Variants in RPF2 observed in about 807,000 individuals in gnomAD.
The protein encoded by RPF2 is brix domain containing 1.
RPF2 carries 21 observed loss-of-function variants against 38.9 expected under a neutral mutation model. That is an observed-to-expected ratio of 0.54 (90% CI 0.38 to 0.78). The LOEUF (loss-of-function observed/expected upper bound fraction) is 0.78, where lower values mean the gene tolerates loss of function less well. Among genes scored for constraint, RPF2 ranks in the 30% least tolerant of loss-of-function variants. The pLI, the probability that RPF2 is intolerant of heterozygous loss-of-function variation, is 0.00. For synonymous variants in RPF2, 121 were observed against 126.2 expected (o/e 0.96, Z 0.28); for missense variants, 314 against 358.1 (o/e 0.88, Z 0.99).
intron 2 of RPF2, among the ~76,000 whole-genome samples, chr6:110,985,387 C>G (rs1169180672): frequency 6.6e-6 from 1 of 152,088 alleles, no homozygotes; most frequent in African/African-American, 2.4e-5. Context: ...GTGAAGGTCT[C>G]CCTTAGTAAA....
chr6:111,024,954 A>G (rs1405148620), intron 9 of RPF2, among the ~76,000 whole-genome samples: 1 of 152,262 alleles, frequency 6.6e-6, no homozygotes, highest in Non-Finnish European at 1.5e-5. Flanking sequence ...TACAGGGTAT[A>G]TAAACCATAT....
intron 7 of RPF2, among the ~76,000 whole-genome samples, chr6:111,011,735 A>G (rs1300267023): frequency 6.6e-6 from 1 of 152,174 alleles, no homozygotes; most frequent in Non-Finnish European, 1.5e-5. Flanking sequence ...AGATACTTAC[A>G]ATTTGTTATA....
At chr6:111,011,296 C>G (rs1583271194) in intron 7 of RPF2, among the ~76,000 whole-genome samples, 1 of 143,004 alleles carries the variant, frequency 7.0e-6, no homozygotes, top group South Asian at 2.2e-4. Flanking sequence ...TTCTTTCTTT[C>G]TTTCTTTCTT....
chr6:111,012,950 A>C (rs574512458), intron 7 of RPF2, among the ~76,000 whole-genome samples: 8 of 152,308 alleles, frequency 5.3e-5, no homozygotes, highest in Admixed American at 3.9e-4. Context: ...GATTACAGGC[A>C]TGAGCCACCG....
At chr6:111,016,670 C>CTTT (rs71021821) in intron 8 of RPF2, among the ~76,000 whole-genome samples, 101 of 122,038 alleles carry the variant, frequency 8.3e-4, no homozygotes, top group East Asian at 1.7e-3. Flanking sequence ...AATTGTGGTT[C>CTTT]TTTTTTTTTT....
intron 7 of RPF2, among the ~76,000 whole-genome samples, chr6:111,012,510 A>T (rs915920828): frequency 9.2e-5 from 14 of 152,086 alleles, no homozygotes; most frequent in African/African-American, 2.2e-4. Context: ...ATGGTTGTTT[A>T]AAAAAATTTG....
At chr6:111,008,208 T>C (rs1157889547) in intron 7 of RPF2, 71 bp downstream of exon 7, 14 of 1,465,794 alleles carry the variant, frequency 9.6e-6, no homozygotes, top group Non-Finnish European at 1.2e-5. Flanking sequence ...CTGGTGGCAC[T>C]TTGCTACTTT....
chr6:111,012,903 C>T (rs1772044738), intron 7 of RPF2, among the ~76,000 whole-genome samples: 1 of 152,202 alleles, frequency 6.6e-6, no homozygotes, highest in Admixed American at 6.5e-5. Flanking sequence ...CTCCTGGCCT[C>T]AGGTGATCCA....
At chr6:110,994,098 TA>T (rs1771665784) in intron 4 of RPF2, among the ~76,000 whole-genome samples, 1 of 151,942 alleles carries the variant, frequency 6.6e-6, no homozygotes, top group Non-Finnish European at 1.5e-5. Context: ...CCAACATGGA[TA>T]AACCCTGTCT....
chr6:111,022,751 G>A (rs529052073), intron 8 of RPF2, among the ~76,000 whole-genome samples: 1 of 152,310 alleles, frequency 6.6e-6, no homozygotes, highest in South Asian at 2.1e-4. Flanking sequence ...TTTTGGCAGT[G>A]TATAGTAGTA....
chr6:111,021,392 A>G (rs1426203559), intron 8 of RPF2, among the ~76,000 whole-genome samples: 2 of 152,184 alleles, frequency 1.3e-5, no homozygotes, highest in African/African-American at 4.8e-5. Flanking sequence ...TGAAATAAAA[A>G]ATGGACACTG....
At chr6:110,994,779 A>G (rs541576347) in intron 4 of RPF2, among the ~76,000 whole-genome samples, 1 of 147,090 alleles carries the variant, frequency 6.8e-6, no homozygotes, top group South Asian at 2.2e-4. Context: ...ACGAGTATGT[A>G]TGTATATAAA....
At chr6:110,985,959 TA>T (rs1432937924) in intron 2 of RPF2, among the ~76,000 whole-genome samples, 16 of 146,588 alleles carry the variant, frequency 1.1e-4, no homozygotes, top group African/African-American at 3.3e-4. Context: ...AAAAATCACA[TA>T]GGGGGACCCC....
chr6:111,009,741 A>G (rs1771980627), intron 7 of RPF2, among the ~76,000 whole-genome samples: 1 of 151,962 alleles, frequency 6.6e-6, no homozygotes, highest in South Asian at 2.1e-4. Context: ...TAGCTCAATC[A>G]TGGCTCATTG....
At position 111,026,674 on chromosome 6, in the gene RPF2, G is replaced by A. The variant is rs1177070461; in HGVS notation, c.*1092G>A. 2 of 152,210 alleles carry A rather than the reference G, an allele frequency of 1.3e-5. No homozygotes were observed. The highest frequency in any genetic ancestry group is 2.9e-5 in the Non-Finnish European group (2 of 68,036). The allele number at this position is 152,210 out of a possible 1,614,324, so 9.4% of individuals were successfully genotyped here. On this transcript the variant is annotated 3_prime_UTR_variant, in exon 10 of 10. Transcript: ENST00000441448. ...CAAAGCCTAACTACTTGTTTTGAAA[G>A]TTTCTTGAAGACAGGCCTTGTGCCT...
At chr6:110,983,703 T>C (rs912661834) in intron 1 of RPF2, among the ~76,000 whole-genome samples, 5 of 152,142 alleles carry the variant, frequency 3.3e-5, no homozygotes, top group South Asian at 2.1e-4. Flanking sequence ...ATTACCTGTC[T>C]GTTCAATTGC....
At chr6:110,995,539 A>G (rs1186134566) in intron 4 of RPF2, among the ~76,000 whole-genome samples, 1 of 152,156 alleles carries the variant, frequency 6.6e-6, no homozygotes, top group African/African-American at 2.4e-5. Flanking sequence ...GGAGTAAAGA[A>G]AAATGGAGGG....
intron 4 of RPF2, among the ~76,000 whole-genome samples, chr6:110,992,265 A>C (rs1376415589): frequency 6.6e-6 from 1 of 152,140 alleles, no homozygotes; most frequent in Non-Finnish European, 1.5e-5. Flanking sequence ...AGCCGAGATC[A>C]CGCCATTGCA....
chr6:111,024,080 T>C lies in RPF2; in HGVS notation c.597-103T>C. The C allele has an allele frequency of 3.0e-6, 3 of 984,034 alleles. No individual in the cohort carries two copies. The South Asian group carries it at 5.6e-5, about 18-fold the overall frequency. The allele number at this position is 984,034 out of a possible 1,614,324, so 61.0% of individuals were successfully genotyped here. On this transcript the variant is annotated intron_variant, in intron 8 of 9. Coordinates refer to ENST00000441448, the MANE Select transcript of RPF2 (RefSeq NM_032194.3). ...TTTAAGTAAGTCTTTCTAAACATTT[T>C]ATATCATTTAATGGAATTGTAAATC...
Sources: allele counts gnomAD v4.1 joint callset (sites outside exome capture counted in the v4.1 genomes callset), GRCh38; gene constraint gnomAD v4.1.1; transcripts MANE v1.5; gene names NCBI Gene and HGNC (gene_info 2026-07-23, HGNC 2026-07-21).